Variants in KIFAP3 observed in about 807,000 individuals in gnomAD.
KIFAP3 encodes kinesin associated protein 3.
In KIFAP3, 68 loss-of-function variants were observed where a neutral mutation model predicts 106.5. The observed-to-expected ratio is 0.64, with a 90% CI of 0.53 to 0.78. The LOEUF is 0.78. Among genes scored for constraint, KIFAP3 ranks in the 30% least tolerant of loss-of-function variants. The probability of loss-of-function intolerance (pLI) is 0.00; values close to 1 mark genes in which losing one functional copy is unlikely to be tolerated. For synonymous variants in KIFAP3, 320 were observed against 311.5 expected, an observed-to-expected ratio of 1.03 and a Z score of -0.29; for missense variants, 780 against 941.8, an observed-to-expected ratio of 0.83 and a Z score of 2.25.
intron 1 of KIFAP3, among the ~76,000 whole-genome samples, chr1:170,064,124 T>G (rs1671318572): frequency 6.6e-6 from 1 of 152,240 alleles, no homozygotes; most frequent in South Asian, 2.1e-4. Context: ...GCTTAATACC[T>G]TGATATTAAT....
At chr1:170,073,850 C>G (rs1384775082) in intron 1 of KIFAP3, among the ~76,000 whole-genome samples, 1 of 152,066 alleles carries the variant, frequency 6.6e-6, no homozygotes, top group Non-Finnish European at 1.5e-5. Context: ...TCTGAACAAA[C>G]CTCTTAATAA....
chr1:170,067,219 C>G (rs1038551414), intron 1 of KIFAP3, among the ~76,000 whole-genome samples: 20 of 152,054 alleles, frequency 1.3e-4, no homozygotes, highest in African/African-American at 4.6e-4. Context: ...CTGAGTAGGT[C>G]TAGCATATGT....
At chr1:170,029,741 T>C (rs1669298542) in intron 8 of KIFAP3, among the ~76,000 whole-genome samples, 1 of 151,932 alleles carries the variant, frequency 6.6e-6, no homozygotes, top group Non-Finnish European at 1.5e-5. Flanking sequence ...CCATAAGCTA[T>C]GGTAATGAAG....
chr1:169,957,269 C>G (rs905844645), intron 18 of KIFAP3, among the ~76,000 whole-genome samples: 5 of 152,086 alleles, frequency 3.3e-5, no homozygotes, highest in Non-Finnish European at 5.9e-5. Flanking sequence ...AGAGAACAAA[C>G]AGGAAACACA....
At chr1:169,992,018 T>C in intron 11 of KIFAP3, 137 bp downstream of exon 11, 2 of 416,890 alleles carry the variant, frequency 4.8e-6, no homozygotes, top group South Asian at 7.1e-5. Flanking sequence ...CTGTACTTCC[T>C]CAATTTTCTA....
rs563375618 is a variant in KIFAP3, at chr1:169,926,533, C to A, written c.2274-4752G>T. ...AACAAAAATTTTAAGAAGACATTAT[C>A]ACAAAGTTGCCTAATATTGACTGCT... is the stretch of plus-strand genomic sequence containing the variant. On this transcript the variant is annotated intron_variant, in intron 19 of 19. Transcript: ENST00000361580. Among the ~76,000 whole-genome samples, 15 of 152,116 alleles carry A rather than the reference C, an allele frequency of 9.9e-5. No individual in the cohort carries two copies. The East Asian group carries it at 1.9e-3, about 20-fold the overall frequency.
intron 11 of KIFAP3, among the ~76,000 whole-genome samples, chr1:169,988,210 T>C (rs1038410966): frequency 2.0e-5 from 3 of 152,028 alleles, no homozygotes; most frequent in African/African-American, 4.8e-5. Context: ...TAATTATAGG[T>C]TTATTCTATA....
intron 1 of KIFAP3, among the ~76,000 whole-genome samples, chr1:170,065,336 G>A (rs980973359): frequency 3.3e-4 from 50 of 151,848 alleles, no homozygotes; most frequent in Admixed American, 3.3e-4. Context: ...ATTGGTGGCC[G>A]GGCGCAGTGG....
chr1:169,992,094 A>G, intron 11 of KIFAP3, 61 bp downstream of exon 11: 1 of 746,976 alleles, frequency 1.3e-6, no homozygotes, highest in Non-Finnish European at 1.9e-6. Context: ...AAATCAAGAG[A>G]AAAGAGTAAA....
chr1:170,073,151 T>C (rs752445710), intron 1 of KIFAP3, among the ~76,000 whole-genome samples: 1 of 152,222 alleles, frequency 6.6e-6, no homozygotes, highest in African/African-American at 2.4e-5. Context: ...TAAAAGGCAA[T>C]TTATTTTCTT....
chr1:169,984,591 T>C lies in KIFAP3; in HGVS notation c.1384A>G (p.Ile462Val), dbSNP rs1222288198. Residue 462 changes from isoleucine (I) to valine (V), a missense_variant, in exon 12 of 20, where the codon ATC becomes GTC. Around this residue, in one of 3 missense-constraint regions of KIFAP3, gnomAD observed 588 missense variants for 678.9 expected, o/e 0.87. Transcript: ENST00000361580. ...LAANKRNVQL[I>V]CEGNGLKMLM... Reference sequence around the variant, plus strand: ...ACTCAAAGGCACTGACCTTCACAGATAAGCTGTACATTTCTTTTGTTAGCA... The same window carrying C: ...ACTCAAAGGCACTGACCTTCACAGACAAGCTGTACATTTCTTTTGTTAGCA... 1.3e-6 allele frequency: 2 copies of C among 1,586,574 alleles called. No individual in the cohort carries two copies. Among genetic ancestry groups the C allele is most frequent in the Admixed American group, 3.4e-5 (2 of 59,300 alleles).
intron 19 of KIFAP3, among the ~76,000 whole-genome samples, chr1:169,927,518 T>C (rs1416937166): frequency 1.3e-5 from 2 of 152,216 alleles, no homozygotes; most frequent in African/African-American, 4.8e-5. Flanking sequence ...CCTCCTGACA[T>C]ATTTTGTTAT....
chr1:170,024,040 G>A (rs1668987434), intron 9 of KIFAP3: 1 of 154,262 alleles, frequency 6.5e-6, no homozygotes, highest in Admixed American at 6.5e-5. Flanking sequence ...TAACAATGAA[G>A]AGATCTGGCT....
rs1465738785 is a variant in KIFAP3, at chr1:169,983,402, C to T, written c.1394-20G>A. 2 of 1,513,122 alleles carry T rather than the reference C, an allele frequency of 1.3e-6. No homozygotes were observed. The highest frequency in any genetic ancestry group is 2.8e-5 in the African/African-American group (2 of 72,170). The allele number at this position is 1,513,122 out of a possible 1,614,324, so 93.7% of individuals were successfully genotyped here. A position where few individuals can be genotyped will look rare whatever the true frequency, so the allele number is the denominator to read the frequency against. On this transcript the variant is annotated intron_variant, in intron 12 of 19. Coordinates refer to ENST00000361580, the MANE Select transcript of KIFAP3 (RefSeq NM_014970.4). Reference sequence around the variant, plus strand: ...CATTTCCTGAAACAGAAAAGTCCCCCAATAAAATTAAGGTTAGCTTAAGTT... The same window carrying T: ...CATTTCCTGAAACAGAAAAGTCCCCTAATAAAATTAAGGTTAGCTTAAGTT...
chr1:170,024,988 A>AT (rs1669035468), intron 8 of KIFAP3, among the ~76,000 whole-genome samples: 2 of 152,170 alleles, frequency 1.3e-5, no homozygotes, highest in African/African-American at 2.4e-5. Flanking sequence ...AGAAAACAAG[A>AT]TAACATATCA....
At chr1:170,055,989 G>A (rs1230395296) in intron 1 of KIFAP3, among the ~76,000 whole-genome samples, 3 of 151,920 alleles carry the variant, frequency 2.0e-5, no homozygotes, top group African/African-American at 4.8e-5. Context: ...AAAACTAGCC[G>A]GGCATGGTGG....
intron 11 of KIFAP3, among the ~76,000 whole-genome samples, chr1:169,991,724 T>G (rs1371223989): frequency 1.3e-5 from 2 of 152,134 alleles, no homozygotes; most frequent in African/African-American, 4.8e-5. Flanking sequence ...ACATTCATTT[T>G]TATGTGATAA....
chr1:169,937,002 A>T (rs1378614561), intron 19 of KIFAP3, among the ~76,000 whole-genome samples: 1 of 150,032 alleles, frequency 6.7e-6, no homozygotes, highest in Non-Finnish European at 1.5e-5. Flanking sequence ...AGTAACATAA[A>T]AGTGGGCAGA....
At chr1:170,045,181 A>G (rs1670179305) in intron 3 of KIFAP3, among the ~76,000 whole-genome samples, 1 of 152,200 alleles carries the variant, frequency 6.6e-6, no homozygotes, top group Admixed American at 6.5e-5. Context: ...CAGAGCCAAT[A>G]AAAGCACCTC....
Sources: gnomAD v4.1 joint callset for allele counts (sites outside exome capture counted in the v4.1 genomes callset) on GRCh38, gnomAD v4.1.1 for gene constraint, gnomAD v4.1.1 regional missense constraint, MANE v1.5 for transcripts, NCBI Gene and HGNC (gene_info 2026-07-23, HGNC 2026-07-21) for gene names.